The following RORA variants were observed in gnomAD, a reference collection of about 807,000 sequenced individuals.
RORA encodes the protein nuclear receptor ROR-alpha.
A neutral mutation model predicts 69.5 loss-of-function variants in RORA; 7 were observed. That is an observed-to-expected ratio of 0.10 (90% CI 0.06 to 0.19). RORA has a LOEUF of 0.19. RORA is among the 10% of genes least tolerant of loss of function. The pLI, the probability that RORA is intolerant of heterozygous loss-of-function variation, is 1.00. For missense variants in RORA, 457 were observed against 663.0 expected (o/e 0.69, Z 3.41); for synonymous variants, 261 against 240.8 (o/e 1.08, Z -0.78).
intron 1 of RORA, among the ~76,000 whole-genome samples, chr15:61,158,431 C>T (rs1373159202): frequency 6.6e-6 from 1 of 152,138 alleles, no homozygotes; most frequent in African/African-American, 2.4e-5. Flanking sequence ...CTTTTCATTC[C>T]TCCTCCAAGC....
At chr15:61,037,745 G>T (rs1337012603) in intron 1 of RORA, among the ~76,000 whole-genome samples, 1 of 152,172 alleles carries the variant, frequency 6.6e-6, no homozygotes, top group Non-Finnish European at 1.5e-5. Flanking sequence ...AATCTAGTGG[G>T]AAAAAGAGAT....
At chr15:61,208,119 G>A (rs895376627) in intron 1 of RORA, among the ~76,000 whole-genome samples, 2 of 152,204 alleles carry the variant, frequency 1.3e-5, no homozygotes, top group African/African-American at 4.8e-5. Context: ...CAAGAGGAGG[G>A]GAAGCGCTCC....
intron 1 of RORA, among the ~76,000 whole-genome samples, chr15:60,945,088 TATAGTTTAATATACCCAGCAA>T (rs1473595949): frequency 1.3e-5 from 2 of 152,160 alleles, no homozygotes; most frequent in Non-Finnish European, 2.9e-5. Flanking sequence ...GGAGGAAGGC[TATAGTTTAATATACCCAGCAA>T]ATCCAGCAAT....
At chr15:61,060,746 CA>C (rs2078172245) in intron 1 of RORA, among the ~76,000 whole-genome samples, 1 of 152,036 alleles carries the variant, frequency 6.6e-6, no homozygotes, top group Admixed American at 6.5e-5. Flanking sequence ...CAATGGAAAA[CA>C]GGGGTGTCCA....
At chr15:60,854,570 T>A (rs188600881) in intron 1 of RORA, among the ~76,000 whole-genome samples, 1 of 152,174 alleles carries the variant, frequency 6.6e-6, no homozygotes, top group Non-Finnish European at 1.5e-5. Flanking sequence ...AGCACACACA[T>A]GAACATATGG....
chr15:61,101,723 C>T lies in RORA; in HGVS notation c.166+127330G>A, dbSNP rs535109055. Among the ~76,000 whole-genome samples the T allele has an allele frequency of 4.6e-5, 7 of 151,946 alleles. No individual in the cohort carries two copies. In the South Asian group the frequency reaches 1.0e-3, roughly 23 times the overall value. Reference sequence around the variant, plus strand: ...AGTGACAGAACCAGATGTGCATTTCCGAAAGGACATTCTCCCTGCTGTGTG... The same window carrying T: ...AGTGACAGAACCAGATGTGCATTTCTGAAAGGACATTCTCCCTGCTGTGTG... On this transcript the variant is annotated intron_variant, in intron 1 of 10. Transcript: ENST00000335670.
chr15:60,902,670 C>CA (rs1363119907), intron 1 of RORA, among the ~76,000 whole-genome samples: 1 of 152,188 alleles, frequency 6.6e-6, no homozygotes, highest in South Asian at 2.1e-4. Context: ...CAATGCTGGT[C>CA]AATGCTTTAA....
intron 1 of RORA, among the ~76,000 whole-genome samples, chr15:60,759,960 T>G (rs986876423): frequency 2.6e-5 from 4 of 152,222 alleles, no homozygotes; most frequent in Non-Finnish European, 5.9e-5. Context: ...TATTTTGAAC[T>G]TGTCAGTCAT....
At chr15:60,539,706 G>C (rs2066798567) in intron 2 of RORA, among the ~76,000 whole-genome samples, 1 of 151,994 alleles carries the variant, frequency 6.6e-6, no homozygotes, top group African/African-American at 2.4e-5. Context: ...ATACCACCAG[G>C]ATCAGCAATA....
chr15:61,070,171 G>A (rs2078320658), intron 1 of RORA, among the ~76,000 whole-genome samples: 1 of 152,154 alleles, frequency 6.6e-6, no homozygotes, highest in Admixed American at 6.5e-5. Context: ...CGATTTGCAA[G>A]CATCCAACTT....
chr15:60,523,600 G>A (rs1419388290), intron 3 of RORA, among the ~76,000 whole-genome samples: 3 of 152,110 alleles, frequency 2.0e-5, no homozygotes, highest in African/African-American at 7.2e-5. Context: ...TTGTTTCAAT[G>A]CTTCCCCCTG....
At chr15:61,152,331 C>T (rs1244915470) in intron 1 of RORA, among the ~76,000 whole-genome samples, 5 of 151,744 alleles carry the variant, frequency 3.3e-5, no homozygotes, top group African/African-American at 9.7e-5. Context: ...CAAGCAGTCC[C>T]GAGGAATATG....
chr15:60,768,392 C>T (rs1336200626), intron 1 of RORA, among the ~76,000 whole-genome samples: 4 of 152,158 alleles, frequency 2.6e-5, no homozygotes, highest in Non-Finnish European at 5.9e-5. Flanking sequence ...AGCTTGTGAA[C>T]GTACCTGAAA....
chr15:60,885,807 C>T (rs1031869949), intron 1 of RORA, among the ~76,000 whole-genome samples: 2 of 152,220 alleles, frequency 1.3e-5, no homozygotes, highest in Non-Finnish European at 2.9e-5. Flanking sequence ...TCAACTTCCT[C>T]ATGTGTAAAA....
intron 1 of RORA, among the ~76,000 whole-genome samples, chr15:60,980,802 T>A (rs76919049): frequency 6.6e-6 from 1 of 152,206 alleles, no homozygotes; most frequent in African/African-American, 2.4e-5. Flanking sequence ...TTGTCAATTT[T>A]GTTAATCTTT....
chr15:60,666,346 CTTTT>C (rs1161494532), intron 2 of RORA, among the ~76,000 whole-genome samples: 1 of 132,434 alleles, frequency 7.6e-6, no homozygotes. Context: ...TAATTTCTTT[CTTTT>C]TTTTTTTTTT....
chr15:61,167,978 T>C (rs1052957429), intron 1 of RORA, among the ~76,000 whole-genome samples: 2 of 152,170 alleles, frequency 1.3e-5, no homozygotes, highest in Non-Finnish European at 2.9e-5. Flanking sequence ...CACCTACCTT[T>C]TCAGGCACCT....
At chr15:60,612,450 C>A (rs1266996101) in intron 2 of RORA, among the ~76,000 whole-genome samples, 1 of 152,140 alleles carries the variant, frequency 6.6e-6, no homozygotes, top group African/African-American at 2.4e-5. Flanking sequence ...CCAGTTGAAG[C>A]CTGAGGTTAG....
At chr15:60,961,623 C>G (rs1458083485) in intron 1 of RORA, among the ~76,000 whole-genome samples, 1 of 152,168 alleles carries the variant, frequency 6.6e-6, no homozygotes, top group African/African-American at 2.4e-5. Context: ...TTTCCCGGCT[C>G]TGAATGGGCC....
Sources: gnomAD v4.1 joint callset for allele counts (sites outside exome capture counted in the v4.1 genomes callset) on GRCh38, gnomAD v4.1.1 for gene constraint, MANE v1.5 for transcripts, NCBI Gene and HGNC (gene_info 2026-07-23, HGNC 2026-07-21) for gene names.